The following XYLB variants were observed in gnomAD, a reference collection of about 807,000 sequenced individuals.
XYLB encodes xylulose kinase.
Under a neutral mutation model 78.7 loss-of-function variants are expected in XYLB, and 62 were observed. The observed-to-expected ratio is 0.79, with a 90% CI of 0.64 to 0.97. The LOEUF is 0.97. XYLB is among the 50% of genes least tolerant of loss of function. The pLI is 0.00. For synonymous variants in XYLB, 245 were observed against 247.4 expected, an observed-to-expected ratio of 0.99 and a Z score of 0.09; for missense variants, 687 against 676.8, an observed-to-expected ratio of 1.02 and a Z score of -0.17.
At chr3:38,360,479 G>A (rs565024171) in intron 3 of XYLB, 71 bp downstream of exon 3, 1 of 1,408,836 alleles carries the variant, frequency 7.1e-7, no homozygotes, top group African/African-American at 1.4e-5. Context: ...GATTTGCTAG[G>A]AAGTCCAAAG....
At chr3:38,395,596 C>T (rs902786181) in intron 16 of XYLB, 33 bp downstream of exon 16, 3 of 1,603,332 alleles carry the variant, frequency 1.9e-6, no homozygotes, top group Non-Finnish European at 2.6e-6. Flanking sequence ...ACACCATGGC[C>T]TCTCCCATAT....
chr3:38,368,224 C>T lies in XYLB; in HGVS notation c.613C>T (p.Leu205Phe). 6.2e-7 allele frequency: 1 copy of T among 1,614,118 alleles called. No homozygotes were observed. The highest frequency in any genetic ancestry group is 8.5e-7 in the Non-Finnish European group (1 of 1,180,024). Residue 205 changes from leucine to phenylalanine, a missense_variant, in exon 8 of 19, where the codon CTT becomes TTT. Leu to Phe is a conservative substitution (Grantham distance 22). Transcript: ENST00000207870. ...LVSSFAASLFLGSYSPIDYSD... is the reference protein window; with the variant it reads ...LVSSFAASLFFGSYSPIDYSD... The stretch of plus-strand genomic sequence containing the variant: ...CAGTAGCTTTGCTGCTTCCCTGTTC[C>T]TTGGCTCTTACTCCCCTATTGACTA...
In XYLB at chr3:38,365,237, G is replaced by T; in HGVS notation, c.330G>T (p.Gln110His). 6.2e-7 allele frequency: 1 copy of T among 1,614,254 alleles called. No individual in the cohort carries two copies. Among genetic ancestry groups the T allele is most frequent in the Non-Finnish European group, 8.5e-7 (1 of 1,180,052 alleles). ...TATACTGGAAGGCTGGAGCCCAGCA[G>T]GCACTGACAAGCTTATCACCAGACC... ...GSIYWKAGAQ[Q>H]ALTSLSPDLR... The change falls in exon 5 of 19, where the codon CAG (glutamine) becomes CAT (histidine). Residue 110 changes from glutamine (Q) to histidine (H), a missense_variant. Transcript: ENST00000207870.
chr3:38,393,373 T>C (rs1488792955), intron 15 of XYLB, among the ~76,000 whole-genome samples: 1 of 152,206 alleles, frequency 6.6e-6, no homozygotes, highest in African/African-American at 2.4e-5. Flanking sequence ...CTCAAAGTCC[T>C]GGGCTCAAGC....
chr3:38,417,082 AC>A (rs1163392603), downstream of XYLB, among the ~76,000 whole-genome samples: 1 of 152,262 alleles, frequency 6.6e-6, no homozygotes, highest in African/African-American at 2.4e-5. Context: ...GATCTGAGTA[AC>A]AGTATCTATA....
chr3:38,394,768 G>C (rs1707799440), intron 15 of XYLB, among the ~76,000 whole-genome samples: 1 of 152,230 alleles, frequency 6.6e-6, no homozygotes, highest in Non-Finnish European at 1.5e-5. Context: ...CAGTCACAAT[G>C]TCATCTGGGG....
chr3:38,360,190 C>G (rs1705888864), intron 2 of XYLB, 149 bp from the exon 3 acceptor site: 2 of 750,752 alleles, frequency 2.7e-6, no homozygotes, highest in Non-Finnish European at 4.7e-6. Flanking sequence ...AGCCCTCGTG[C>G]CTGTTCAATC....
chr3:38,436,938 A>G, the XYLB span, among the ~76,000 whole-genome samples: 1 of 151,454 alleles, frequency 6.6e-6, no homozygotes, highest in Admixed American at 6.6e-5. Flanking sequence ...CAGGAGATGG[A>G]GGTTGCAGTG....
At chr3:38,444,819 C>T in the XYLB span, among the ~76,000 whole-genome samples, 24 of 152,096 alleles carry the variant, frequency 1.6e-4, no homozygotes, top group Admixed American at 1.4e-3. Context: ...CCTGGCCTGC[C>T]CAAGAATCTG....
chr3:38,427,220 G>T, the XYLB span, among the ~76,000 whole-genome samples: 1 of 152,014 alleles, frequency 6.6e-6, no homozygotes, highest in African/African-American at 2.4e-5. Context: ...CTCTAGTGCC[G>T]CTTCGTTAGG....
intron 4 of XYLB, among the ~76,000 whole-genome samples, chr3:38,364,012 C>T (rs1172728618): frequency 2.0e-5 from 3 of 152,164 alleles, no homozygotes; most frequent in Non-Finnish European, 4.4e-5. Context: ...ATCTTGTCCA[C>T]TTCTCTCTCC....
At chr3:38,424,628 C>A (rs541942809), downstream of XYLB, among the ~76,000 whole-genome samples, 108 of 152,316 alleles carry the variant, frequency 7.1e-4, no homozygotes, top group African/African-American at 2.4e-3. Flanking sequence ...ACGCCCTATA[C>A]TTCAGCTCAA....
intron 18 of XYLB, among the ~76,000 whole-genome samples, chr3:38,405,771 C>G (rs575934637): frequency 6.6e-6 from 1 of 152,370 alleles, no homozygotes; most frequent in East Asian, 1.9e-4. Context: ...CCCACGGAGT[C>G]TTGCTGATTG....
At chr3:38,395,971 C>T (rs569783599) in intron 16 of XYLB, among the ~76,000 whole-genome samples, 1 of 152,336 alleles carries the variant, frequency 6.6e-6, no homozygotes, top group Non-Finnish European at 1.5e-5. Flanking sequence ...CCTTCTGGTC[C>T]TTCATTATGC....
downstream of XYLB, among the ~76,000 whole-genome samples, chr3:38,415,486 A>G (rs573066780): frequency 3.9e-5 from 6 of 152,202 alleles, no homozygotes; most frequent in Non-Finnish European, 7.3e-5. Context: ...TCACACTGGT[A>G]TAAAGATAGT....
chr3:38,421,796 A>C (rs1708986926), downstream of XYLB, among the ~76,000 whole-genome samples: 1 of 151,850 alleles, frequency 6.6e-6, no homozygotes, highest in African/African-American at 2.4e-5. Context: ...GTTTGTCCCT[A>C]CCCCTCTACA....
chr3:38,435,927 C>A, the XYLB span, among the ~76,000 whole-genome samples: 1 of 151,918 alleles, frequency 6.6e-6, no homozygotes, highest in Admixed American at 6.6e-5. Flanking sequence ...TGGGATACAG[C>A]AAAAGTAGTG....
chr3:38,398,281 A>T (rs1707972477), intron 17 of XYLB, among the ~76,000 whole-genome samples: 2 of 151,324 alleles, frequency 1.3e-5, no homozygotes, highest in Admixed American at 1.3e-4. Context: ...CAGCCTGGAC[A>T]ATATGGTGAA....
At chr3:38,372,312 T>C (rs1706610983) in intron 9 of XYLB, 2 of 413,502 alleles carry the variant, frequency 4.8e-6, no homozygotes, top group Non-Finnish European at 6.4e-6. Context: ...TCCTGTTACC[T>C]TTTTTTTTTT....
Sources: allele counts gnomAD v4.1 joint callset (sites outside exome capture counted in the v4.1 genomes callset), GRCh38; gene constraint gnomAD v4.1.1; transcripts MANE v1.5; gene names NCBI Gene and HGNC (gene_info 2026-07-23, HGNC 2026-07-21).